The following DLG2 variants were observed in gnomAD, a reference collection of about 807,000 sequenced individuals.
DLG2 encodes discs large MAGUK scaffold protein 2.
DLG2 carries 45 observed loss-of-function variants against 132.5 expected under a neutral mutation model. That is an observed-to-expected ratio of 0.34 (90% CI 0.27 to 0.44). The LOEUF is 0.44. DLG2 is among the 20% of genes least tolerant of loss of function. The probability of loss-of-function intolerance (pLI) is 1.00; values close to 1 mark genes in which losing one functional copy is unlikely to be tolerated. For missense variants in DLG2, 1,045 were observed against 1,196.9 expected (o/e 0.87, Z 1.87); for synonymous variants, 424 against 419.6 (o/e 1.01, Z -0.13).
intron 7 of DLG2, among the ~76,000 whole-genome samples, chr11:84,285,185 CA>C (rs2097897021): frequency 6.6e-6 from 1 of 152,132 alleles, no homozygotes; most frequent in Non-Finnish European, 1.5e-5. Flanking sequence ...TCAGATATAA[CA>C]GCTCCAAAAG....
At chr11:83,754,702 T>C (rs1245876909) in intron 18 of DLG2, among the ~76,000 whole-genome samples, 1 of 151,260 alleles carries the variant, frequency 6.6e-6, no homozygotes, top group East Asian at 1.9e-4. Context: ...AAGCTTGTCA[T>C]GTAAGAGATA....
At chr11:84,293,317 T>C (rs904525159) in intron 7 of DLG2, among the ~76,000 whole-genome samples, 1 of 152,138 alleles carries the variant, frequency 6.6e-6, no homozygotes, top group African/African-American at 2.4e-5. Flanking sequence ...CTCAACTTTT[T>C]TTTTTAGATT....
chr11:85,101,116 G>C (rs1281813759), intron 6 of DLG2, among the ~76,000 whole-genome samples: 1 of 152,044 alleles, frequency 6.6e-6, no homozygotes, highest in African/African-American at 2.4e-5. Flanking sequence ...TAAAGCGTAA[G>C]AGCTTGTTAT....
At chr11:85,562,148 T>G (rs1037998124) in intron 3 of DLG2, among the ~76,000 whole-genome samples, 8 of 151,814 alleles carry the variant, frequency 5.3e-5, no homozygotes, top group Non-Finnish European at 1.0e-4. Flanking sequence ...AAAGCAAGAA[T>G]GCCCACCTGT....
chr11:84,661,550 T>C (rs1332198531), intron 6 of DLG2, among the ~76,000 whole-genome samples: 2 of 152,234 alleles, frequency 1.3e-5, no homozygotes, highest in African/African-American at 4.8e-5. Flanking sequence ...ATTGCTATTA[T>C]GTGTACTTTT....
At chr11:85,113,539 A>C (rs1386246727) in intron 5 of DLG2, among the ~76,000 whole-genome samples, 1 of 152,068 alleles carries the variant, frequency 6.6e-6, no homozygotes, top group Non-Finnish European at 1.5e-5. Flanking sequence ...AAGGCCAGAC[A>C]AATAAAAAAG....
intron 3 of DLG2, among the ~76,000 whole-genome samples, chr11:85,472,623 A>G (rs2093021234): frequency 6.6e-6 from 1 of 151,960 alleles, no homozygotes; most frequent in Non-Finnish European, 1.5e-5. Flanking sequence ...GCTCAACAAA[A>G]TTTTCTCCAC....
intron 6 of DLG2, among the ~76,000 whole-genome samples, chr11:84,927,652 T>C (rs1591415146): frequency 1.3e-5 from 2 of 152,164 alleles, no homozygotes; most frequent in East Asian, 3.9e-4. Context: ...CATTACATAG[T>C]GTGTTCCAAT....
chr11:83,640,416 A>G lies in DLG2; in HGVS notation c.1826-7091T>C, dbSNP rs61899986. 3.9e-3 allele frequency among the ~76,000 whole-genome samples: 592 copies of G among 152,292 alleles called. 2 individuals are homozygous for G. Among genetic ancestry groups the G allele is most frequent in the Middle Eastern group, 0.017 (5 of 294 alleles). On this transcript the variant is annotated intron_variant, in intron 18 of 27. Transcript: ENST00000376104. The stretch of plus-strand genomic sequence containing the variant: ...TGTCACTGAGGCTTAGGAAGGGTAC[A>G]TGGTAAGGATGAAGCAGAAATGGTT...
intron 6 of DLG2, chr11:84,890,940 G>A (rs1319611070): frequency 6.6e-6 from 1 of 152,190 alleles, no homozygotes; most frequent in Non-Finnish European, 1.5e-5. Flanking sequence ...CTCTTGGAAT[G>A]TTGGTTGCCT....
chr11:83,684,599 T>C (rs996285633), intron 18 of DLG2: 1 of 152,148 alleles, frequency 6.6e-6, no homozygotes, highest in South Asian at 2.1e-4. Context: ...GCTTCTAAAC[T>C]GGTAAGAAAA....
intron 3 of DLG2, among the ~76,000 whole-genome samples, chr11:85,548,935 GT>G (rs952670442): frequency 6.6e-6 from 1 of 152,160 alleles, no homozygotes; most frequent in Non-Finnish European, 1.5e-5. Flanking sequence ...CTCCGTGGGG[GT>G]GGGACTGCCA....
intron 3 of DLG2, among the ~76,000 whole-genome samples, chr11:85,364,520 G>A (rs2084392373): frequency 6.6e-6 from 1 of 152,166 alleles, no homozygotes. Flanking sequence ...TTGCCAGTGA[G>A]ATTAAGGTAC....
intron 6 of DLG2, among the ~76,000 whole-genome samples, chr11:84,785,344 T>G (rs530394092): frequency 9.8e-4 from 149 of 152,136 alleles, no homozygotes; most frequent in Non-Finnish European, 1.9e-3. Context: ...CTCCCATGAA[T>G]TGGAAGTTAA....
chr11:85,618,842 T>C (rs1473548100), intron 2 of DLG2, among the ~76,000 whole-genome samples: 1 of 152,116 alleles, frequency 6.6e-6, no homozygotes, highest in East Asian at 1.9e-4. Flanking sequence ...AAGTAAACAA[T>C]AATAGGCCTA....
chr11:84,440,845 T>A (rs2099015112), intron 7 of DLG2, among the ~76,000 whole-genome samples: 1 of 152,170 alleles, frequency 6.6e-6, no homozygotes, highest in South Asian at 2.1e-4. Flanking sequence ...AGCCATTAAC[T>A]ATCATACATT....
intron 6 of DLG2, among the ~76,000 whole-genome samples, chr11:84,984,823 G>T (rs944335406): frequency 6.6e-6 from 1 of 152,166 alleles, no homozygotes; most frequent in Non-Finnish European, 1.5e-5. Context: ...CCAAAAGCGG[G>T]CAGGAGTAGC....
At chr11:84,371,794 T>C (rs1299726978) in intron 7 of DLG2, among the ~76,000 whole-genome samples, 1 of 152,200 alleles carries the variant, frequency 6.6e-6, no homozygotes, top group Non-Finnish European at 1.5e-5. Flanking sequence ...AAACGTACTT[T>C]AAATTTCTAT....
chr11:85,450,297 T>A (rs969231578), intron 3 of DLG2, among the ~76,000 whole-genome samples: 1 of 152,196 alleles, frequency 6.6e-6, no homozygotes, highest in Non-Finnish European at 1.5e-5. Context: ...GGAGACATTT[T>A]TTTTCACCTC....
Sources: allele counts gnomAD v4.1 joint callset (sites outside exome capture counted in the v4.1 genomes callset), GRCh38; gene constraint gnomAD v4.1.1; transcripts MANE v1.5; gene names NCBI Gene and HGNC (gene_info 2026-07-23, HGNC 2026-07-21).